Variants in PTPRD observed in about 807,000 individuals in gnomAD.
PTPRD encodes the protein receptor-type tyrosine-protein phosphatase delta.
Under a neutral mutation model 214.5 loss-of-function variants are expected in PTPRD, and 34 were observed. The ratio of observed to expected loss-of-function variants is 0.16; its 90% CI spans 0.12 to 0.21. The LOEUF (loss-of-function observed/expected upper bound fraction) is 0.21, where lower values mean the gene tolerates loss of function less well. PTPRD is among the 10% of genes least tolerant of loss of function. The pLI is 1.00. For synonymous variants in PTPRD, 1,128 were observed against 845.7 expected (o/e 1.33, Z -5.79); for missense variants, 2,545 against 2,398.7 (o/e 1.06, Z -1.27).
At chr9:8,430,451 T>C (rs1022546436) in intron 35 of PTPRD, among the ~76,000 whole-genome samples, 1 of 151,010 alleles carries the variant, frequency 6.6e-6, no homozygotes, top group Non-Finnish European at 1.5e-5. Flanking sequence ...TTTTTTTTTT[T>C]GTAGTTTTGC....
chr9:10,321,304 G>A (rs1314878688), intron 3 of PTPRD, among the ~76,000 whole-genome samples: 1 of 152,114 alleles, frequency 6.6e-6, no homozygotes, highest in East Asian at 1.9e-4. Flanking sequence ...ACATCTCTGA[G>A]GAAATAATAT....
chr9:10,048,747 C>T (rs77524237), intron 3 of PTPRD, among the ~76,000 whole-genome samples: 2 of 152,106 alleles, frequency 1.3e-5, no homozygotes, highest in Non-Finnish European at 2.9e-5. Context: ...AGAAAACTAA[C>T]GTTGACCATC....
intron 2 of PTPRD, among the ~76,000 whole-genome samples, chr9:10,450,252 A>C (rs560934401): frequency 0.012 from 1,821 of 151,496 alleles, 58 homozygotes; most frequent in African/African-American, 0.04. Flanking sequence ...ACTAAAAAAA[A>C]TAAATAAATA....
At chr9:9,982,191 T>G (rs903815008) in intron 4 of PTPRD, among the ~76,000 whole-genome samples, 10 of 152,168 alleles carry the variant, frequency 6.6e-5, no homozygotes, top group Admixed American at 1.3e-4. Context: ...AAGAAACCTC[T>G]GGCTTCCTAA....
intron 10 of PTPRD, among the ~76,000 whole-genome samples, chr9:9,107,187 A>G (rs1356962008): frequency 6.6e-6 from 1 of 152,152 alleles, no homozygotes; most frequent in African/African-American, 2.4e-5. Flanking sequence ...GGTGGCCTGT[A>G]TCTTTTAGAA....
intron 4 of PTPRD, among the ~76,000 whole-genome samples, chr9:9,957,358 G>C (rs2094011026): frequency 6.6e-6 from 1 of 151,980 alleles, no homozygotes. Flanking sequence ...AGCTTAACAA[G>C]AAAGGACTTG....
At chr9:10,507,413 A>T (rs962510478) in intron 2 of PTPRD, among the ~76,000 whole-genome samples, 3 of 152,186 alleles carry the variant, frequency 2.0e-5, no homozygotes, top group Admixed American at 2.0e-4. Context: ...CCATCAAGCT[A>T]CCAATGACTT....
At chr9:8,887,582 T>A (rs561960937) in intron 11 of PTPRD, among the ~76,000 whole-genome samples, 1 of 152,286 alleles carries the variant, frequency 6.6e-6, no homozygotes, top group East Asian at 1.9e-4. Context: ...GCCCTATAAA[T>A]CACATCTCTC....
chr9:8,669,052 T>C (rs372363828), intron 12 of PTPRD, among the ~76,000 whole-genome samples: 2 of 151,972 alleles, frequency 1.3e-5, no homozygotes, highest in East Asian at 1.9e-4. Context: ...GAAGACTCAA[T>C]TCTCTCTCCT....
chr9:10,152,405 A>C (rs2099066856), intron 3 of PTPRD, among the ~76,000 whole-genome samples: 1 of 152,148 alleles, frequency 6.6e-6, no homozygotes, highest in South Asian at 2.1e-4. Context: ...ATATATTTTG[A>C]TTACAAATCA....
intron 2 of PTPRD, among the ~76,000 whole-genome samples, chr9:10,352,302 G>C (rs1284587459): frequency 2.0e-5 from 3 of 151,936 alleles, no homozygotes; most frequent in Non-Finnish European, 4.4e-5. Flanking sequence ...CTGGGTCCTT[G>C]TTTCATCGCT....
At chr9:8,733,989 A>G in intron 11 of PTPRD, 43 bp from the exon 12 acceptor site, 1 of 758,514 alleles carries the variant, frequency 1.3e-6, no homozygotes, top group Non-Finnish European at 2.2e-6. Flanking sequence ...AGAAAACACA[A>G]AAGTGCTTAG....
chr9:9,113,189 T>A (rs1448720442), intron 10 of PTPRD, among the ~76,000 whole-genome samples: 2 of 151,950 alleles, frequency 1.3e-5, no homozygotes, highest in Non-Finnish European at 2.9e-5. Flanking sequence ...TTGCCCAGAC[T>A]GGTCTCAAAT....
intron 14 of PTPRD, among the ~76,000 whole-genome samples, chr9:8,605,385 GA>G (rs950768482): frequency 2.0e-5 from 3 of 151,816 alleles, no homozygotes; most frequent in Non-Finnish European, 4.4e-5. Flanking sequence ...CCGAACTAGA[GA>G]AAAAAAACTG....
In PTPRD at chr9:8,760,712, T is replaced by C. The variant is rs530492168; in HGVS notation, c.-103-26766A>G. On this transcript the variant is annotated intron_variant, in intron 11 of 45. Transcript: ENST00000381196. ...CACTTTGATTCTTAATGGGAATGTA[T>C]ATCTCCCTTTGATGTTTCTGTGGGT... 2.0e-5 allele frequency among the ~76,000 whole-genome samples: 3 copies of C among 152,222 alleles called. No homozygotes were observed. In the East Asian group the frequency reaches 5.8e-4, roughly 29 times the overall value.
intron 7 of PTPRD, among the ~76,000 whole-genome samples, chr9:9,647,367 G>C (rs2096219897): frequency 7.2e-6 from 1 of 138,358 alleles, no homozygotes; most frequent in Non-Finnish European, 1.7e-5. Flanking sequence ...TTTCTCCCAG[G>C]ATAATTTGTT....
At chr9:9,783,473 C>G (rs922019465) in intron 5 of PTPRD, among the ~76,000 whole-genome samples, 4 of 152,016 alleles carry the variant, frequency 2.6e-5, no homozygotes, top group Non-Finnish European at 5.9e-5. Context: ...GATGAACTTA[C>G]AAATTAAAAT....
chr9:8,471,439 C>G (rs2096650886), intron 30 of PTPRD, among the ~76,000 whole-genome samples: 1 of 152,042 alleles, frequency 6.6e-6, no homozygotes, highest in Non-Finnish European at 1.5e-5. Context: ...CAAATATTTT[C>G]TATGACATGA....
intron 2 of PTPRD, among the ~76,000 whole-genome samples, chr9:10,352,830 A>C (rs1211509571): frequency 6.6e-6 from 1 of 151,994 alleles, no homozygotes; most frequent in East Asian, 1.9e-4. Context: ...TTTATGCAGG[A>C]TTTTATCTAG....
Sources: allele counts gnomAD v4.1 joint callset (sites outside exome capture counted in the v4.1 genomes callset), GRCh38; gene constraint gnomAD v4.1.1; transcripts MANE v1.5; gene names NCBI Gene and HGNC (gene_info 2026-07-23, HGNC 2026-07-21).